RIPOR2: variants seen among roughly 807,000 people sequenced by gnomAD.
RIPOR2 encodes rho family-interacting cell polarization regulator 2.
In RIPOR2, 39 loss-of-function variants were observed where a neutral mutation model predicts 114.5. That is an observed-to-expected ratio of 0.34 (90% CI 0.26 to 0.44). RIPOR2 has a LOEUF of 0.44. RIPOR2 is among the 20% of genes least tolerant of loss of function. The pLI is 1.00. For synonymous variants in RIPOR2, 445 were observed against 484.4 expected (o/e 0.92, Z 1.07); for missense variants, 1,007 against 1,255.1 (o/e 0.80, Z 2.99).
At chr6:24,987,796 A>G (rs1321410832) in intron 1 of RIPOR2, among the ~76,000 whole-genome samples, 4 of 152,348 alleles carry the variant, frequency 2.6e-5, no homozygotes, top group Non-Finnish European at 4.4e-5. Context: ...AGATTTGTCA[A>G]TGTATTCAGT....
chr6:24,892,252 T>G (rs947899174), intron 1 of RIPOR2, among the ~76,000 whole-genome samples: 1 of 152,144 alleles, frequency 6.6e-6, no homozygotes, highest in Non-Finnish European at 1.5e-5. Flanking sequence ...TTTTAAATCT[T>G]GTTTGTACCC....
At chr6:24,996,353 T>G (rs957544957) in intron 1 of RIPOR2, among the ~76,000 whole-genome samples, 13 of 152,202 alleles carry the variant, frequency 8.5e-5, no homozygotes, top group African/African-American at 3.1e-4. Flanking sequence ...CCTGGGTTAT[T>G]GCACAACAGG....
chr6:24,860,354 T>C (rs1763953381), intron 8 of RIPOR2, among the ~76,000 whole-genome samples: 1 of 152,132 alleles, frequency 6.6e-6, no homozygotes, highest in Non-Finnish European at 1.5e-5. Flanking sequence ...TTGTTTTAGA[T>C]TAAAGGAAAT....
chr6:24,988,727 T>A (rs1774651775), intron 1 of RIPOR2, among the ~76,000 whole-genome samples: 1 of 152,244 alleles, frequency 6.6e-6, no homozygotes, highest in East Asian at 1.9e-4. Context: ...TATCTCTCCA[T>A]CATGCCTTGT....
intron 1 of RIPOR2, chr6:24,929,362 T>C (rs73731449): frequency 0.073 from 11,043 of 152,248 alleles, 445 homozygotes; most frequent in East Asian, 0.12. Flanking sequence ...TGTGCAGATG[T>C]TATGGAATCA....
At chr6:24,810,156 C>A (rs959009474) in intron 20 of RIPOR2, among the ~76,000 whole-genome samples, 2 of 152,176 alleles carry the variant, frequency 1.3e-5, no homozygotes, top group African/African-American at 2.4e-5. Context: ...CTAAAAACCA[C>A]TTTACCTATG....
rs201962345 is a variant in RIPOR2 at position 24,842,903 on chromosome 6, C to T, written c.1816G>A (p.Asp606Asn). 980 of 1,472,450 alleles carry T rather than the reference C, an allele frequency of 6.7e-4. 1 individual carries two copies. The highest frequency in any genetic ancestry group is 8.2e-4 in the Non-Finnish European group (910 of 1,108,306). The allele number at this position is 1,472,450 out of a possible 1,614,324, so 91.2% of individuals were successfully genotyped here. ...AAATTCATGACTTCTTGGTTCAGAT[C>T]CTGAAACTCTTTATACTGCTCTTTA... ...PHKEQYKEFQ[D>N]LNQEVMNLDD... is the part of the protein sequence containing the mutation. The change falls in exon 13 of 22, where the codon GAT becomes AAT. Residue 606 changes from aspartate to asparagine, a missense_variant. Coordinates refer to ENST00000643898, the MANE Select transcript of RIPOR2 (RefSeq NM_001286445.3).
chr6:25,012,676 A>C (rs1775820741), intron 1 of RIPOR2, among the ~76,000 whole-genome samples: 1 of 152,234 alleles, frequency 6.6e-6, no homozygotes, highest in Non-Finnish European at 1.5e-5. Context: ...TCCAAAATAT[A>C]CAAATCCATA....
intron 1 of RIPOR2, among the ~76,000 whole-genome samples, chr6:24,926,903 T>G (rs1297460784): frequency 6.6e-6 from 1 of 151,216 alleles, no homozygotes; most frequent in Non-Finnish European, 1.5e-5. Context: ...ACCATTACCA[T>G]CATCACCACC....
At chr6:24,920,788 ACTC>A (rs978254834) in intron 1 of RIPOR2, among the ~76,000 whole-genome samples, 3 of 151,798 alleles carry the variant, frequency 2.0e-5, no homozygotes, top group African/African-American at 7.3e-5. Flanking sequence ...CCTTAAGTCT[ACTC>A]CTCCAGCAGC....
intron 1 of RIPOR2, among the ~76,000 whole-genome samples, chr6:24,992,621 C>T (rs1237002857): frequency 1.3e-5 from 2 of 152,122 alleles, no homozygotes; most frequent in Admixed American, 1.3e-4. Context: ...GAATCGATAT[C>T]ATTAAAATGG....
At chr6:24,955,915 A>T (rs1773017548) in intron 1 of RIPOR2, among the ~76,000 whole-genome samples, 2 of 151,434 alleles carry the variant, frequency 1.3e-5, no homozygotes, top group African/African-American at 4.9e-5. Context: ...AGGCTGAGGC[A>T]GGAGAATTGC....
intron 1 of RIPOR2, among the ~76,000 whole-genome samples, chr6:24,925,490 T>C (rs1258177905): frequency 6.6e-6 from 1 of 151,560 alleles, no homozygotes; most frequent in Non-Finnish European, 1.5e-5. Flanking sequence ...GATCAGGAGG[T>C]CAAGAGATCG....
At chr6:24,926,384 CAT>C (rs1561781149) in intron 1 of RIPOR2, among the ~76,000 whole-genome samples, 2 of 152,178 alleles carry the variant, frequency 1.3e-5, no homozygotes, top group Non-Finnish European at 2.9e-5. Context: ...TGCCATAGTA[CAT>C]GTTTCTCCCT....
chr6:24,842,528 A>T (rs1244734326), intron 13 of RIPOR2, among the ~76,000 whole-genome samples: 2 of 152,134 alleles, frequency 1.3e-5, no homozygotes, highest in East Asian at 3.9e-4. Context: ...CCTGAGAGGG[A>T]TCCTATCCAG....
intron 12 of RIPOR2, among the ~76,000 whole-genome samples, chr6:24,846,359 T>A (rs1346310670): frequency 7.0e-6 from 1 of 142,196 alleles, no homozygotes; most frequent in Non-Finnish European, 1.5e-5. Context: ...CAGACTGGAC[T>A]GCAGTGGTGC....
At chr6:24,899,718 A>C (rs1768222089) in intron 1 of RIPOR2, among the ~76,000 whole-genome samples, 1 of 152,216 alleles carries the variant, frequency 6.6e-6, no homozygotes, top group Non-Finnish European at 1.5e-5. Flanking sequence ...GATCAGACAA[A>C]AGTCCTCACA....
rs947421544 is a variant in RIPOR2, at chr6:24,883,230, T to G, written c.62-7413A>C. Among the ~76,000 whole-genome samples, 1 of 152,192 alleles carries G rather than the reference T, an allele frequency of 6.6e-6. No homozygotes were observed. The highest frequency in any genetic ancestry group is 1.5e-5 in the Non-Finnish European group (1 of 68,040). On this transcript the variant is annotated intron_variant, in intron 1 of 21. Transcript: ENST00000643898. This position sits in a 1 kb window ranked among gnomAD's most constrained non-coding sequence, Gnocchi z 4.1. The stretch of plus-strand genomic sequence containing the variant: ...ACACATCTGTGATTTCTGAATGACA[T>G]GAGTAAGGATATCTCAGTTCTCGCC...
At chr6:24,809,596 GA>G in intron 21 of RIPOR2, 120 bp downstream of exon 21, 1 of 685,672 alleles carries the variant, frequency 1.5e-6, no homozygotes, top group South Asian at 1.7e-5. Context: ...CTACAGCGGG[GA>G]AACTGCTAAA....
Sources: allele counts gnomAD v4.1 joint callset (sites outside exome capture counted in the v4.1 genomes callset), GRCh38; gene constraint gnomAD v4.1.1; non-coding constraint Gnocchi (gnomAD v3.1); transcripts MANE v1.5; gene names NCBI Gene and HGNC (gene_info 2026-07-23, HGNC 2026-07-21).